SOX6: variants seen among roughly 807,000 people sequenced by gnomAD.
SOX6 encodes the protein SRY-box transcription factor 6.
SOX6 carries 11 observed loss-of-function variants against 97.8 expected under a neutral mutation model. The ratio of observed to expected loss-of-function variants is 0.11; its 90% CI spans 0.07 to 0.19. SOX6 has a LOEUF of 0.19. Among genes scored for constraint, SOX6 ranks in the 10% least tolerant of loss-of-function variants. SOX6 has a pLI of 1.00. For synonymous variants in SOX6, 360 were observed against 371.4 expected, an observed-to-expected ratio of 0.97 and a Z score of 0.35; for missense variants, 810 against 1,039.5, an observed-to-expected ratio of 0.78 and a Z score of 3.04.
intron 1 of SOX6, among the ~76,000 whole-genome samples, chr11:16,458,778 G>A (rs1859861827): frequency 6.6e-6 from 1 of 152,034 alleles, no homozygotes; most frequent in Admixed American, 6.6e-5. Flanking sequence ...CAAAAAAATA[G>A]TGATTCCTGA....
intron 1 of SOX6, among the ~76,000 whole-genome samples, chr11:16,413,004 G>T (rs1260789082): frequency 1.3e-5 from 2 of 152,140 alleles, no homozygotes; most frequent in African/African-American, 4.8e-5. Flanking sequence ...GTGAAAGAAG[G>T]GTTGTTCCCC....
intron 6 of SOX6, among the ~76,000 whole-genome samples, chr11:16,129,182 T>C (rs1004027605): frequency 2.7e-5 from 4 of 150,644 alleles, no homozygotes; most frequent in African/African-American, 7.3e-5. Context: ...TTATCTCTTT[T>C]TTAAGGTAAA....
chr11:16,529,858 T>C (rs976869486), intron 4 of SOX6, among the ~76,000 whole-genome samples: 2 of 152,092 alleles, frequency 1.3e-5, no homozygotes, highest in Non-Finnish European at 2.9e-5. Flanking sequence ...AGTATGTGTC[T>C]GTGCACACCC....
intron 9 of SOX6, among the ~76,000 whole-genome samples, chr11:16,085,708 A>T (rs181806883): frequency 2.0e-3 from 302 of 152,282 alleles, no homozygotes; most frequent in Non-Finnish European, 3.7e-3. Flanking sequence ...TGTGAACATA[A>T]ATGACCATAA....
At chr11:16,002,680 C>T (rs2119912492) in intron 13 of SOX6, among the ~76,000 whole-genome samples, 1 of 152,252 alleles carries the variant, frequency 6.6e-6, no homozygotes, top group East Asian at 1.9e-4. Flanking sequence ...GTTCTGGCTT[C>T]CTAAGTTTTC....
intron 4 of SOX6, among the ~76,000 whole-genome samples, chr11:16,586,079 A>G (rs1848090574): frequency 6.6e-6 from 1 of 152,228 alleles, no homozygotes; most frequent in Admixed American, 6.5e-5. Context: ...AATAACCTTC[A>G]GGCTGAAACG....
intron 9 of SOX6, among the ~76,000 whole-genome samples, chr11:16,064,386 A>C (rs894998013): frequency 5.3e-5 from 8 of 150,776 alleles, no homozygotes; most frequent in Admixed American, 5.3e-4. Context: ...TGTCATTTCA[A>C]TTTATTAATT....
chr11:16,508,038 A>T (rs1047242337), intron 4 of SOX6, among the ~76,000 whole-genome samples: 1 of 151,960 alleles, frequency 6.6e-6, no homozygotes, highest in Non-Finnish European at 1.5e-5. Flanking sequence ...CTCAACTATT[A>T]AAAAAAAGGA....
chr11:16,497,053 C>A (rs1022666910), intron 4 of SOX6, among the ~76,000 whole-genome samples: 2 of 152,206 alleles, frequency 1.3e-5, no homozygotes, highest in African/African-American at 4.8e-5. Context: ...AGTAGCCTAA[C>A]TGGGAGGCAC....
At chr11:16,388,829 G>A (rs925625491) in intron 1 of SOX6, among the ~76,000 whole-genome samples, 2 of 151,968 alleles carry the variant, frequency 1.3e-5, no homozygotes, top group African/African-American at 4.8e-5. Flanking sequence ...TTGACTATGA[G>A]GTGCCTAGAT....
intron 3 of SOX6, among the ~76,000 whole-genome samples, chr11:16,270,315 T>C (rs1009687921): frequency 1.3e-5 from 2 of 151,316 alleles, no homozygotes; most frequent in African/African-American, 4.8e-5. Context: ...CTAGAATGAC[T>C]ATAATTTTTA....
chr11:16,488,814 C>T (rs1860472695), intron 4 of SOX6, among the ~76,000 whole-genome samples: 1 of 152,122 alleles, frequency 6.6e-6, no homozygotes, highest in Non-Finnish European at 1.5e-5. Context: ...GAAGATTCCA[C>T]TTTAAAGTCC....
At chr11:16,116,706 C>T (rs903646054) in intron 6 of SOX6, among the ~76,000 whole-genome samples, 31 of 152,178 alleles carry the variant, frequency 2.0e-4, no homozygotes, top group African/African-American at 7.5e-4. Flanking sequence ...AACCCCTGGG[C>T]TGTGGACCAG....
At chr11:16,684,581 C>T (rs1345239019) in intron 3 of SOX6, among the ~76,000 whole-genome samples, 3 of 47,962 alleles carry the variant, frequency 6.3e-5, no homozygotes, top group African/African-American at 1.2e-4. Context: ...GGCCTATTGG[C>T]GGGGTGGGGG....
chr11:16,265,226 A>C (rs1335482695), intron 3 of SOX6, among the ~76,000 whole-genome samples: 3 of 151,930 alleles, frequency 2.0e-5, no homozygotes, highest in African/African-American at 7.2e-5. Context: ...AGCCAGAAAA[A>C]GAATTGTCTG....
chr11:16,490,387 A>C (rs1860492855), intron 4 of SOX6, among the ~76,000 whole-genome samples: 1 of 151,974 alleles, frequency 6.6e-6, no homozygotes, highest in African/African-American at 2.4e-5. Context: ...TAATAATCAT[A>C]TATATATTTT....
chr11:16,006,753 T>C (rs1481839308), intron 13 of SOX6, among the ~76,000 whole-genome samples: 3 of 152,122 alleles, frequency 2.0e-5, no homozygotes, highest in Non-Finnish European at 4.4e-5. Flanking sequence ...ATACTAAGCT[T>C]GTAATCCCAA....
intron 6 of SOX6, among the ~76,000 whole-genome samples, chr11:16,175,733 C>T (rs1293283134): frequency 6.6e-6 from 1 of 151,730 alleles, no homozygotes; most frequent in Non-Finnish European, 1.5e-5. Flanking sequence ...AAGTTAAAAG[C>T]CAAATGGCAT....
intron 4 of SOX6, among the ~76,000 whole-genome samples, chr11:16,541,729 G>C (rs574301743): frequency 6.6e-6 from 1 of 152,170 alleles, no homozygotes; most frequent in Non-Finnish European, 1.5e-5. Flanking sequence ...ATCATCACTG[G>C]TTATCAGAGA....
Sources: gnomAD v4.1 joint callset for allele counts (sites outside exome capture counted in the v4.1 genomes callset) on GRCh38, gnomAD v4.1.1 for gene constraint, MANE v1.5 for transcripts, NCBI Gene and HGNC (gene_info 2026-07-23, HGNC 2026-07-21) for gene names.